The following BRSK2 variants were observed in gnomAD, a reference collection of about 807,000 sequenced individuals.
BRSK2 encodes serine/threonine-protein kinase BRSK2.
Under a neutral mutation model 83.3 loss-of-function variants are expected in BRSK2, and 19 were observed. That is an observed-to-expected ratio of 0.23 (90% CI 0.16 to 0.33). The LOEUF (loss-of-function observed/expected upper bound fraction) is 0.33, where lower values mean the gene tolerates loss of function less well. Among genes scored for constraint, BRSK2 ranks in the 10% least tolerant of loss-of-function variants. The pLI, the probability that BRSK2 is intolerant of heterozygous loss-of-function variation, is 1.00. For synonymous variants in BRSK2, 519 were observed against 435.4 expected, an observed-to-expected ratio of 1.19 and a Z score of -2.39; for missense variants, 798 against 1,042.3, an observed-to-expected ratio of 0.77 and a Z score of 3.23.
At chr11:1,452,112 G>A (rs1845883060) in intron 15 of BRSK2, among the ~76,000 whole-genome samples, 1 of 152,232 alleles carries the variant, frequency 6.6e-6, no homozygotes, top group Admixed American at 6.5e-5. Flanking sequence ...GCGGCGGTCA[G>A]GCTGGAGTCA....
chr11:1,448,795 T>C (rs1345850142), intron 12 of BRSK2, among the ~76,000 whole-genome samples: 2 of 151,986 alleles, frequency 1.3e-5, no homozygotes, highest in African/African-American at 2.4e-5. Context: ...GGTGAGGGAG[T>C]TGGAGGGTCG....
In BRSK2 at chr11:1,438,430, G is replaced by A. The variant is rs1205093426; in HGVS notation, c.272+39G>A. On this transcript the variant is annotated intron_variant, in intron 3 of 19. Transcript: ENST00000528841. The surrounding 1 kb of genome is among the most constrained non-coding windows in gnomAD (Gnocchi z 6.4). ...GGTCTGAAGAGCTGGGGTGGCGGAG[G>A]TGGCAGCTGTCGCTGCAGGGGTGGG... 1.6e-5 allele frequency: 25 copies of A among 1,592,062 alleles called. No homozygotes were observed. The highest frequency in any genetic ancestry group is 1.9e-5 in the Non-Finnish European group (22 of 1,160,978).
chr11:1,442,212 G>C (rs1177311839), intron 4 of BRSK2, among the ~76,000 whole-genome samples: 1 of 151,898 alleles, frequency 6.6e-6, no homozygotes, highest in Non-Finnish European at 1.5e-5. Context: ...GGCCAGAGCA[G>C]GTGTGCTAGG....
intron 16 of BRSK2, among the ~76,000 whole-genome samples, chr11:1,455,108 G>A (rs148243813): frequency 1.6e-4 from 24 of 152,264 alleles, no homozygotes; most frequent in Non-Finnish European, 2.5e-4. Flanking sequence ...CAGAGTGGTC[G>A]CGCTCGGGGT....
In BRSK2 at chr11:1,442,661, G is replaced by A. The variant is rs553764870; in HGVS notation, c.530+55G>A. ...TGGGGGACAGGCTGGGCTGGGGGAAGAGGAGCCAGTGGACTGAGAGGCCCC... is the reference window on the plus strand; with the variant it reads ...TGGGGGACAGGCTGGGCTGGGGGAAAAGGAGCCAGTGGACTGAGAGGCCCC... On this transcript the variant is annotated intron_variant, in intron 5 of 19. Coordinates refer to ENST00000528841, the MANE Select transcript of BRSK2 (RefSeq NM_001256627.2). 2.4e-5 allele frequency: 35 copies of A among 1,456,800 alleles called. No individual in the cohort carries two copies. In the Admixed American group the frequency reaches 5.9e-4, roughly 24 times the overall value. 90.2% of individuals were successfully genotyped at this position (1,456,800 alleles called of 1,614,324 possible). A position where few individuals can be genotyped will look rare whatever the true frequency, so the allele number is the denominator to read the frequency against.
At chr11:1,458,694 C>G (rs920180953) in intron 18 of BRSK2, among the ~76,000 whole-genome samples, 19 of 152,202 alleles carry the variant, frequency 1.2e-4, no homozygotes, top group Non-Finnish European at 2.4e-4. Context: ...GGGCCTTGCT[C>G]CCACCCCAGT....
intron 16 of BRSK2, 150 bp from the exon 17 acceptor site, chr11:1,456,198 C>G: frequency 1.2e-6 from 1 of 843,210 alleles, no homozygotes. Flanking sequence ...CCAGCCGTCT[C>G]CAACCGCACT....
rs755421827 is a variant in BRSK2, at chr11:1,461,033, G to A, written c.*310G>A. ...CCATCCTCTGTGACCGAAGGCAGCTGCTGCGGACCCGCCCTCCCTCCGCTC... is the reference window on the plus strand; with the variant it reads ...CCATCCTCTGTGACCGAAGGCAGCTACTGCGGACCCGCCCTCCCTCCGCTC... On this transcript the variant is annotated 3_prime_UTR_variant, in exon 20 of 20. Coordinates refer to ENST00000528841, the MANE Select transcript of BRSK2 (RefSeq NM_001256627.2). 4 of 1,610,600 alleles carry A rather than the reference G, an allele frequency of 2.5e-6. No homozygotes were observed. Among genetic ancestry groups the A allele is most frequent in the South Asian group, 2.2e-5 (2 of 90,832 alleles).
intron 1 of BRSK2, among the ~76,000 whole-genome samples, chr11:1,391,922 TA>T (rs1349189440): frequency 1.3e-5 from 2 of 152,160 alleles, no homozygotes; most frequent in African/African-American, 4.8e-5. Flanking sequence ...TGGCGGCAGT[TA>T]ATTACGGGAG....
In BRSK2 at chr11:1,454,376, A is replaced by C; in HGVS notation, c.1545-109A>C. 2.2e-6 allele frequency: 3 copies of C among 1,352,296 alleles called. No homozygotes were observed. The highest frequency in any genetic ancestry group is 2.1e-6 in the Non-Finnish European group (2 of 966,894). 83.8% of individuals were successfully genotyped at this position (1,352,296 alleles called of 1,614,324 possible). A position where few individuals can be genotyped will look rare whatever the true frequency, so the allele number is the denominator to read the frequency against. On this transcript the variant is annotated intron_variant, in intron 15 of 19. Transcript: ENST00000528841. This position sits in a 1 kb window ranked among gnomAD's most constrained non-coding sequence, Gnocchi z 5.2. ...TAGCACTGTGGAGACAGCCGTTTCT[A>C]TCACGAAGCGATGGAAGATTCCGCC...
intron 1 of BRSK2, among the ~76,000 whole-genome samples, chr11:1,399,971 C>T (rs1306719234): frequency 2.6e-5 from 4 of 152,194 alleles, no homozygotes; most frequent in African/African-American, 9.7e-5. Context: ...CACCCCCCAC[C>T]TCCGTTACGC....
At chr11:1,410,757 G>T in intron 1 of BRSK2, 1 of 985,440 alleles carries the variant, frequency 1.0e-6, no homozygotes, top group Non-Finnish European at 1.2e-6. Flanking sequence ...CTCAGGGGCT[G>T]GGGGACACCC....
In BRSK2 at chr11:1,425,682, G is replaced by A. The variant is rs116084564; in HGVS notation, c.92-10358G>A. Among the ~76,000 whole-genome samples the A allele has an allele frequency of 9.6e-3, 1,455 of 152,230 alleles. 24 individuals carry two copies. Among genetic ancestry groups the A allele is most frequent in the African/African-American group, 0.033 (1,363 of 41,538 alleles). On this transcript the variant is annotated intron_variant, in intron 1 of 19. Coordinates refer to ENST00000528841, the MANE Select transcript of BRSK2 (RefSeq NM_001256627.2). ...TCCCGAGCCCCCCACACCCCCGCTC[G>A]TCTCCCACTCTGTGTCCTCTCCACT...
intron 13 of BRSK2, 48 bp from the exon 14 acceptor site, chr11:1,450,539 C>A: frequency 9.8e-7 from 1 of 1,022,796 alleles, no homozygotes; most frequent in Non-Finnish European, 1.4e-6. Flanking sequence ...CCCCCGGCCC[C>A]CACCCGCCGG....
At chr11:1,396,303 T>TCCACCC (rs1220372929) in intron 1 of BRSK2, among the ~76,000 whole-genome samples, 1 of 151,120 alleles carries the variant, frequency 6.6e-6, no homozygotes, top group Non-Finnish European at 1.5e-5. Context: ...CCTCTTCCCT[T>TCCACCC]ACAGCCGCCT....
intron 1 of BRSK2, among the ~76,000 whole-genome samples, chr11:1,415,411 A>C (rs1848000570): frequency 6.6e-6 from 1 of 152,040 alleles, no homozygotes; most frequent in South Asian, 2.1e-4. Context: ...TACCTTTTTA[A>C]AAAAATTAGT....
chr11:1,411,009 A>T, intron 1 of BRSK2: 34 of 998,842 alleles, frequency 3.4e-5, no homozygotes, highest in Non-Finnish European at 4.1e-5. Context: ...CGGAGAGAAC[A>T]GCCGTGCGTC....
intron 1 of BRSK2, among the ~76,000 whole-genome samples, chr11:1,400,938 C>T (rs1000602453): frequency 1.3e-5 from 2 of 152,362 alleles, no homozygotes; most frequent in East Asian, 3.9e-4. Flanking sequence ...GCCGTGTGAC[C>T]CTCCTTCCTT....
chr11:1,440,053 C>T (rs1439789820), intron 3 of BRSK2, among the ~76,000 whole-genome samples: 1 of 152,184 alleles, frequency 6.6e-6, no homozygotes, highest in East Asian at 1.9e-4. Context: ...CTGTACAGCC[C>T]CCCTACATCA....
Sources: gnomAD v4.1 joint callset for allele counts (sites outside exome capture counted in the v4.1 genomes callset) on GRCh38, gnomAD v4.1.1 for gene constraint, Gnocchi (gnomAD v3.1) non-coding constraint, MANE v1.5 for transcripts, NCBI Gene and HGNC (gene_info 2026-07-23, HGNC 2026-07-21) for gene names.